CIB3: variants seen among roughly 807,000 people sequenced by gnomAD.
The protein encoded by CIB3 is calcium and integrin-binding family member 3.
A neutral mutation model predicts 23.4 loss-of-function variants in CIB3; 22 were observed. The ratio of observed to expected loss-of-function variants is 0.94; its 90% CI spans 0.67 to 1.34. CIB3 has a LOEUF of 1.34. Ranked by LOEUF, CIB3 falls within the 40% of genes most tolerant of loss-of-function variation. The probability of loss-of-function intolerance (pLI) is 0.00; values close to 1 mark genes in which losing one functional copy is unlikely to be tolerated. For synonymous variants in CIB3, 93 were observed against 95.8 expected, an observed-to-expected ratio of 0.97 and a Z score of 0.17; for missense variants, 258 against 247.3, an observed-to-expected ratio of 1.04 and a Z score of -0.29.
rs541349974 is a variant in CIB3, at chr19:16,164,826, A to C, written c.434T>G (p.Val145Gly). The C allele has an allele frequency of 2.4e-5, 38 of 1,613,516 alleles. No homozygotes were observed. Among genetic ancestry groups the C allele is most frequent in the Non-Finnish European group, 3.1e-5 (37 of 1,179,914 alleles). ...LTRGGLSAEE[V>G]SLVCEKVLDE... is the part of the protein sequence containing the mutation. ...CAGCACCTTCTCACATACCAGGCTC[A>C]CCTCCTCGGCACTCAGCCCCCCCCG... The change falls in exon 5 of 6, where the codon GTG becomes GGG. Residue 145 changes from valine (V) to glycine (G), a missense_variant. Physicochemically the swap from Val to Gly is moderately radical, Grantham distance 109. Coordinates refer to ENST00000269878, the MANE Select transcript of CIB3 (RefSeq NM_054113.4).
rs746001647 is a variant in CIB3 at position 16,161,443 on chromosome 19, G to T, written c.*22C>A. The T allele has an allele frequency of 1.2e-6, 2 of 1,613,686 alleles. No individual in the cohort carries two copies. Among genetic ancestry groups the T allele is most frequent in the Non-Finnish European group, 1.7e-6 (2 of 1,179,746 alleles). On this transcript the variant is annotated 3_prime_UTR_variant, in exon 6 of 6. Transcript: ENST00000269878. ...TGAGGGGTCACCCCGCCCTCCTATAGCTCGGCTCCTCTGTGGTGCCATCAG... is the reference window on the plus strand; with the variant it reads ...TGAGGGGTCACCCCGCCCTCCTATATCTCGGCTCCTCTGTGGTGCCATCAG...
chr19:16,168,094 C>CCCCCCCA, intron 4 of CIB3, 43 bp downstream of exon 4: 2 of 1,567,246 alleles, frequency 1.3e-6, no homozygotes, highest in Non-Finnish European at 1.7e-6. Context: ...TCCCACTCCC[C>CCCCCCCA]ACCCCATCCC....
intron 1 of CIB3, 26 bp from the exon 2 acceptor site, chr19:16,173,222 C>T: frequency 1.2e-6 from 2 of 1,613,990 alleles, no homozygotes; most frequent in Non-Finnish European, 1.7e-6. Context: ...TTGTCTTAAC[C>T]CGAACCCTGC....
At chr19:16,170,448 C>G (rs2091323179) in intron 2 of CIB3, among the ~76,000 whole-genome samples, 1 of 152,184 alleles carries the variant, frequency 6.6e-6, no homozygotes. Flanking sequence ...CCACACATCT[C>G]TGGATATTGT....
chr19:16,172,231 T>G (rs530970173), intron 2 of CIB3, among the ~76,000 whole-genome samples: 1 of 152,322 alleles, frequency 6.6e-6, no homozygotes, highest in South Asian at 2.1e-4. Context: ...CTCGGCTCAC[T>G]GCAACCTCCA....
intron 3 of CIB3, 72 bp from the exon 4 acceptor site, chr19:16,168,356 A>C: frequency 6.4e-7 from 1 of 1,573,854 alleles, no homozygotes; most frequent in Middle Eastern, 2.0e-4. Flanking sequence ...TGGTCTCACT[A>C]TCAGCACCCA....
At chr19:16,162,518 A>C (rs2091288772) in intron 5 of CIB3, among the ~76,000 whole-genome samples, 1 of 152,130 alleles carries the variant, frequency 6.6e-6, no homozygotes, top group South Asian at 2.1e-4. Flanking sequence ...TTGGGAGGCC[A>C]AGATGGACAG....
intron 3 of CIB3, among the ~76,000 whole-genome samples, chr19:16,169,209 T>C (rs1293495472): frequency 6.6e-6 from 1 of 152,194 alleles, no homozygotes; most frequent in African/African-American, 2.4e-5. Flanking sequence ...TGTGGCTAGA[T>C]CTCTGCTCAC....
intron 4 of CIB3, among the ~76,000 whole-genome samples, chr19:16,165,367 C>G (rs1409224181): frequency 6.6e-6 from 1 of 151,230 alleles, no homozygotes; most frequent in Non-Finnish European, 1.5e-5. Context: ...CTGGAACTTG[C>G]CTTAAAATTG....
chr19:16,173,185 A>G lies in CIB3; in HGVS notation c.63T>C (p.Phe21=), dbSNP rs2091337237. 6.2e-7 allele frequency: 1 copy of G among 1,613,798 alleles called. No individual in the cohort carries two copies. Among genetic ancestry groups the G allele is most frequent in the African/African-American group, 1.3e-5 (1 of 74,836 alleles). The change falls in exon 2 of 6, where the codon TTT becomes TTC. Residue 21 remains phenylalanine, a synonymous_variant. Coordinates refer to ENST00000269878, the MANE Select transcript of CIB3 (RefSeq NM_054113.4). ...ACCTCATGATCTCCTTCCTTGTGAA[A>G]AATGTGCAGTCCTGTGGAGAGAGGT... The part of the protein sequence containing the change: ...EQLEAYQDCT[F]FTRKEIMRLF...
chr19:16,164,261 C>T (rs926641688), intron 5 of CIB3, among the ~76,000 whole-genome samples: 1 of 152,192 alleles, frequency 6.6e-6, no homozygotes, highest in African/African-American at 2.4e-5. Flanking sequence ...AGGCATGAAC[C>T]ACCCCACCTG....
At chr19:16,167,611 C>T (rs1023384314) in intron 4 of CIB3, among the ~76,000 whole-genome samples, 14 of 152,064 alleles carry the variant, frequency 9.2e-5, no homozygotes, top group Admixed American at 9.2e-4. Context: ...GCGGGCGGAT[C>T]ACCCGAGGTC....
chr19:16,168,519 G>C (rs546583904), intron 3 of CIB3, among the ~76,000 whole-genome samples: 10 of 152,314 alleles, frequency 6.6e-5, no homozygotes, highest in African/African-American at 2.4e-4. Flanking sequence ...CCCAGGCAAG[G>C]CCAATCAGAG....
At chr19:16,170,258 A>C (rs558866676) in intron 2 of CIB3, among the ~76,000 whole-genome samples, 1 of 152,298 alleles carries the variant, frequency 6.6e-6, no homozygotes, top group African/African-American at 2.4e-5. Context: ...AGAGGGCCAC[A>C]GGACAAAGGG....
In CIB3 at chr19:16,168,234, A is replaced by G. The variant is rs1430989302; in HGVS notation, c.249T>C (p.Asp83=). 3 of 1,613,656 alleles carry G rather than the reference A, an allele frequency of 1.9e-6. No individual in the cohort carries two copies. In the African/African-American group the frequency reaches 4.0e-5, roughly 22 times the overall value. The change falls in exon 4 of 6, where the codon GAT becomes GAC. Residue 83 remains aspartate, a synonymous_variant. Transcript: ENST00000269878. ...AAAAGTTGTCCAGGGTCATGTGGCC[A>G]TCCCCATCCTCAGAGAATACCTGGG... is the stretch of plus-strand genomic sequence containing the variant. ...RIAQVFSEDG[D]GHMTLDNFLD...
rs375592265 is a variant in CIB3 at position 16,173,016 on chromosome 19, G to GAGAA, written c.86+142_86+145dup. 2.5e-3 allele frequency: 2,723 copies of GAGAA among 1,077,362 alleles called. 68 individuals are homozygous for GAGAA. The African/African-American group carries it at 0.038, about 15-fold the overall frequency. The allele number at this position is 1,077,362 out of a possible 1,614,324, so 66.7% of individuals were successfully genotyped here. Reference sequence around the variant, plus strand: ...GAGGGAGGGAGAGAGAGAGAGAAAAGAGAAAGAAAGAAAGAAAGACTACTT... The same window carrying GAGAA: ...GAGGGAGGGAGAGAGAGAGAGAAAAGAGAAAGAAAGAAAGAAAGAAAGACTACTT... On this transcript the variant is annotated intron_variant, in intron 2 of 5. Transcript: ENST00000269878.
At chr19:16,168,530 A>C (rs1189836673) in intron 3 of CIB3, among the ~76,000 whole-genome samples, 17 of 152,324 alleles carry the variant, frequency 1.1e-4, no homozygotes, top group Non-Finnish European at 2.4e-4. Flanking sequence ...CCAATCAGAG[A>C]GTTCCATTCA....
chr19:16,172,737 C>T (rs2091333709), intron 2 of CIB3, among the ~76,000 whole-genome samples: 1 of 151,898 alleles, frequency 6.6e-6, no homozygotes, highest in Admixed American at 6.6e-5. Context: ...ATCGCTTGAG[C>T]CCAAGGGTTT....
At position 16,168,329 on chromosome 19, in the gene CIB3, G is replaced by A. The variant is rs771430230; in HGVS notation, c.199-45C>T. The stretch of plus-strand genomic sequence containing the variant: ...TGGGAGGCCATCCTCTGACCCCCAA[G>A]GTCTCTGGGGTCCATGTGGTCTCAC... On this transcript the variant is annotated intron_variant, in intron 3 of 5. Coordinates refer to ENST00000269878, the MANE Select transcript of CIB3 (RefSeq NM_054113.4). 1.1e-5 allele frequency: 18 copies of A among 1,605,710 alleles called. No individual in the cohort carries two copies. The East Asian group carries it at 3.6e-4, about 32-fold the overall frequency.
Sources: gnomAD v4.1 joint callset for allele counts (sites outside exome capture counted in the v4.1 genomes callset) on GRCh38, gnomAD v4.1.1 for gene constraint, MANE v1.5 for transcripts, NCBI Gene and HGNC (gene_info 2026-07-23, HGNC 2026-07-21) for gene names.